Variants in SLC30A8 observed in about 807,000 individuals in gnomAD.
SLC30A8 encodes proton-coupled zinc antiporter SLC30A8.
SLC30A8 carries 27 observed loss-of-function variants against 36.9 expected under a neutral mutation model. That is an observed-to-expected ratio of 0.73 (90% CI 0.54 to 1.01). The LOEUF (loss-of-function observed/expected upper bound fraction) is 1.01. SLC30A8 is among the 50% of genes least tolerant of loss of function. The pLI, the probability that SLC30A8 is intolerant of heterozygous loss-of-function variation, is 0.00. For missense variants in SLC30A8, 439 were observed against 452.0 expected (o/e 0.97, Z 0.26); for synonymous variants, 164 against 172.4 (o/e 0.95, Z 0.38).
intron 1 of SLC30A8, among the ~76,000 whole-genome samples, chr8:117,023,917 A>G (rs1563752973): frequency 6.6e-6 from 1 of 151,256 alleles, no homozygotes; most frequent in Non-Finnish European, 1.5e-5. Flanking sequence ...AGGTGCTTCC[A>G]TGGGACTCTT....
At chr8:117,142,633 C>T (rs545232276) in intron 1 of SLC30A8, among the ~76,000 whole-genome samples, 1 of 152,258 alleles carries the variant, frequency 6.6e-6, no homozygotes, top group East Asian at 1.9e-4. Context: ...TTTGCTCCAG[C>T]AATGCCCTCT....
At chr8:116,950,467 A>G (rs1032998035), upstream of SLC30A8, 1 of 152,186 alleles carries the variant, frequency 6.6e-6, no homozygotes, top group African/African-American at 2.4e-5. Context: ...CCTACTACCT[A>G]TCTGATTCTG....
rs568937754 is a variant in SLC30A8, at chr8:117,112,792, C to T, written c.-225-22488C>T. Among the ~76,000 whole-genome samples, 8 of 152,174 alleles carry T rather than the reference C, an allele frequency of 5.3e-5. No homozygotes were observed. The South Asian group carries it at 8.3e-4, about 16-fold the overall frequency. On this transcript the variant is annotated intron_variant, in intron 2 of 10. Coordinates refer to the SLC30A8 transcript ENST00000427715. ...GTCCAGGGCGAATGCTGGGGTGTAT[C>T]CCAAGGACTTTCCTGCTCTGCAAAT...
intron 1 of SLC30A8, among the ~76,000 whole-genome samples, chr8:116,967,226 CACAA>C (rs930548205): frequency 6.6e-6 from 1 of 152,016 alleles, no homozygotes; most frequent in Non-Finnish European, 1.5e-5. Context: ...AATTTAAAAA[CACAA>C]ACAAAACCCA....
Position 117,147,155 on chromosome 8 carries a change from T to A in SLC30A8, c.271+2T>A. ...TTTTCATGATTGCAGAGGTCGTGGG[T>A]GAGTCTTTCTGCAGACTTTTTTCAT... is the stretch of plus-strand genomic sequence containing the variant. On this transcript the variant is annotated splice_donor_variant, in intron 2 of 7. Transcript: ENST00000456015. LOFTEE classifies it high-confidence loss of function. The A allele has an allele frequency of 1.2e-6, 2 of 1,612,824 alleles. No homozygotes were observed. The highest frequency in any genetic ancestry group is 1.7e-6 in the Non-Finnish European group (2 of 1,179,520).
At chr8:117,001,819 G>A (rs1486692071) in intron 1 of SLC30A8, among the ~76,000 whole-genome samples, 1 of 152,124 alleles carries the variant, frequency 6.6e-6, no homozygotes, top group East Asian at 1.9e-4. Flanking sequence ...CTATTCAGCA[G>A]TCACCTATTG....
At chr8:117,089,382 A>G (rs1316436128) in intron 2 of SLC30A8, among the ~76,000 whole-genome samples, 1 of 152,094 alleles carries the variant, frequency 6.6e-6, no homozygotes, top group Admixed American at 6.5e-5. Context: ...ATCTCCCCAA[A>G]CAAGATTCTT....
intron 2 of SLC30A8, among the ~76,000 whole-genome samples, chr8:117,062,688 G>T (rs1372040930): frequency 2.0e-5 from 3 of 152,220 alleles, no homozygotes; most frequent in Non-Finnish European, 4.4e-5. Flanking sequence ...TGGCCATAGG[G>T]CTGGGGTCAG....
intron 1 of SLC30A8, among the ~76,000 whole-genome samples, chr8:117,010,373 C>G (rs1241290172): frequency 6.6e-6 from 1 of 152,132 alleles, no homozygotes; most frequent in Non-Finnish European, 1.5e-5. Context: ...GTCATACCCT[C>G]GGGTTAGAAT....
intron 1 of SLC30A8, among the ~76,000 whole-genome samples, chr8:117,138,304 C>T (rs1821466034): frequency 6.6e-6 from 1 of 151,866 alleles, no homozygotes; most frequent in South Asian, 2.1e-4. Flanking sequence ...ATGAAAATCT[C>T]TGGAAGTTGT....
chr8:117,006,378 T>C (rs1313679283), intron 1 of SLC30A8, among the ~76,000 whole-genome samples: 1 of 152,200 alleles, frequency 6.6e-6, no homozygotes, highest in African/African-American at 2.4e-5. Flanking sequence ...GTGTAAGCAT[T>C]ATGCCCTCAC....
chr8:117,065,101 T>C (rs991630441), intron 2 of SLC30A8, among the ~76,000 whole-genome samples: 1 of 152,216 alleles, frequency 6.6e-6, no homozygotes, highest in East Asian at 1.9e-4. Flanking sequence ...GCATTTTAAA[T>C]ACTTTAGTGT....
intron 1 of SLC30A8, 196 bp from the exon 2 acceptor site, chr8:117,146,758 A>C: frequency 1.5e-6 from 2 of 1,334,286 alleles, no homozygotes; most frequent in South Asian, 3.4e-5. Context: ...TAAAACTTTT[A>C]GTAGTTGAAG....
intron 1 of SLC30A8, among the ~76,000 whole-genome samples, chr8:116,962,801 A>G (rs1814469258): frequency 6.6e-6 from 1 of 151,998 alleles, no homozygotes; most frequent in Non-Finnish European, 1.5e-5. Context: ...ACCCTTTATT[A>G]GAAGGATTAC....
intron 1 of SLC30A8, among the ~76,000 whole-genome samples, chr8:116,979,442 C>G (rs1173888868): frequency 2.6e-5 from 4 of 152,088 alleles, no homozygotes; most frequent in Non-Finnish European, 4.4e-5. Context: ...CTTTCTTTCC[C>G]TGTCGTTGGC....
At chr8:117,034,662 C>A (rs1047628836) in intron 1 of SLC30A8, among the ~76,000 whole-genome samples, 2 of 152,186 alleles carry the variant, frequency 1.3e-5, no homozygotes, top group Non-Finnish European at 2.9e-5. Context: ...TGTTTACAAA[C>A]ATGAGCTTTG....
chr8:116,984,380 C>T (rs1815372626), intron 1 of SLC30A8, among the ~76,000 whole-genome samples: 1 of 152,132 alleles, frequency 6.6e-6, no homozygotes, highest in Non-Finnish European at 1.5e-5. Flanking sequence ...TTTTAAGAAA[C>T]AGCCAAACTG....
chr8:116,972,591 T>C (rs1317987921), intron 1 of SLC30A8, among the ~76,000 whole-genome samples: 2 of 152,186 alleles, frequency 1.3e-5, no homozygotes, highest in Non-Finnish European at 2.9e-5. Context: ...GAGTTTTAAT[T>C]ATTATACTGG....
chr8:117,172,789 A>C lies in SLC30A8; in HGVS notation c.*108A>C. On this transcript the variant is annotated 3_prime_UTR_variant, in exon 8 of 8. Coordinates refer to ENST00000456015, the MANE Select transcript of SLC30A8 (RefSeq NM_173851.3). ...GGAACCAAAGGAAGAAATTCATGTC[A>C]TGGTGCAATGCACATTTTATCTATT... The C allele has an allele frequency of 8.0e-7, 1 of 1,256,680 alleles. No individual in the cohort carries two copies. The highest frequency in any genetic ancestry group is 1.1e-6 in the Non-Finnish European group (1 of 884,040). 77.8% of individuals were successfully genotyped at this position (1,256,680 alleles called of 1,614,324 possible). A position where few individuals can be genotyped will look rare whatever the true frequency, so the allele number is the denominator to read the frequency against.
Sources: allele counts gnomAD v4.1 joint callset (sites outside exome capture counted in the v4.1 genomes callset), GRCh38; gene constraint gnomAD v4.1.1; transcripts MANE v1.5; gene names NCBI Gene and HGNC (gene_info 2026-07-23, HGNC 2026-07-21).